ALK: variants seen among roughly 807,000 people sequenced by gnomAD.
ALK encodes ALK receptor tyrosine kinase, also known as ALK tyrosine kinase receptor.
ALK carries 74 observed loss-of-function variants against 163.1 expected under a neutral mutation model. The observed-to-expected ratio is 0.45, with a 90% CI of 0.38 to 0.55. The LOEUF is 0.55. Ranked by LOEUF, ALK falls within the 20% of genes least tolerant of loss-of-function variation. ALK has a pLI of 0.00. For synonymous variants in ALK, 960 were observed against 843.2 expected, an observed-to-expected ratio of 1.14 and a Z score of -2.40; for missense variants, 2,063 against 2,105.3, an observed-to-expected ratio of 0.98 and a Z score of 0.39.
At chr2:29,332,923 T>C (rs1445259049) in intron 5 of ALK, among the ~76,000 whole-genome samples, 2 of 152,224 alleles carry the variant, frequency 1.3e-5, no homozygotes, top group Non-Finnish European at 2.9e-5. Context: ...AGGCTCTTAA[T>C]ACAGATTGCC....
intron 24 of ALK, 140 bp downstream of exon 24, chr2:29,213,844 G>C: frequency 1.3e-6 from 1 of 753,814 alleles, no homozygotes; most frequent in South Asian, 1.5e-5. Context: ...AAACAAAGCT[G>C]AATCATCCTA....
intron 1 of ALK, 48 bp downstream of exon 1, chr2:29,919,945 G>A (rs1225657169): frequency 1.9e-6 from 3 of 1,598,520 alleles, no homozygotes; most frequent in Non-Finnish European, 2.6e-6. Context: ...GCATATCAAT[G>A]TGACTAAAAA....
intron 3 of ALK, among the ~76,000 whole-genome samples, chr2:29,572,901 T>C (rs1674420208): frequency 6.6e-6 from 1 of 152,076 alleles, no homozygotes; most frequent in African/African-American, 2.4e-5. Flanking sequence ...ATTGTGGTGG[T>C]CCATGCATCT....
chr2:29,807,456 G>A (rs1314006914), intron 1 of ALK, among the ~76,000 whole-genome samples: 1 of 152,208 alleles, frequency 6.6e-6, no homozygotes, highest in African/African-American at 2.4e-5. Flanking sequence ...TGTGCTCAGG[G>A]GCCCAACACA....
At chr2:29,288,570 G>A (rs1201223603) in intron 9 of ALK, among the ~76,000 whole-genome samples, 1 of 152,224 alleles carries the variant, frequency 6.6e-6, no homozygotes, top group Non-Finnish European at 1.5e-5. Flanking sequence ...GATAACACCT[G>A]CTGCCTGTTG....
At chr2:29,729,324 G>A (rs1026478744) in intron 1 of ALK, among the ~76,000 whole-genome samples, 1 of 152,122 alleles carries the variant, frequency 6.6e-6, no homozygotes, top group African/African-American at 2.4e-5. Flanking sequence ...AAAGAGGGAG[G>A]GGAGAGCAGG....
At chr2:29,570,981 A>G (rs1489904513) in intron 3 of ALK, among the ~76,000 whole-genome samples, 1 of 152,196 alleles carries the variant, frequency 6.6e-6, no homozygotes, top group East Asian at 1.9e-4. Flanking sequence ...CAGAGCAGAG[A>G]CTCAGGGAGA....
At chr2:29,496,649 T>C (rs1224840682) in intron 4 of ALK, among the ~76,000 whole-genome samples, 2 of 152,220 alleles carry the variant, frequency 1.3e-5, no homozygotes, top group African/African-American at 4.8e-5. Flanking sequence ...TATAAGTTTA[T>C]GAAAATCACT....
chr2:29,316,604 A>C (rs1432544264), intron 8 of ALK, among the ~76,000 whole-genome samples: 4 of 152,190 alleles, frequency 2.6e-5, no homozygotes, highest in African/African-American at 4.8e-5. Flanking sequence ...AATGCTCTTA[A>C]GGATCCTCCC....
chr2:29,710,499 C>CATGT (rs71403672), intron 2 of ALK, among the ~76,000 whole-genome samples: 1 of 144,662 alleles, frequency 6.9e-6, no homozygotes. Context: ...AGTCTGTGTG[C>CATGT]GTGTGTGTGT....
intron 1 of ALK, among the ~76,000 whole-genome samples, chr2:29,808,452 G>T (rs904196251): frequency 1.3e-5 from 2 of 152,152 alleles, no homozygotes; most frequent in Admixed American, 1.3e-4. Context: ...AGAGCCAACT[G>T]ATCCCCAACC....
In ALK at chr2:29,921,474, G is replaced by A. The variant is rs1273905653; in HGVS notation, c.-815C>T. 5 of 231,968 alleles carry A rather than the reference G, an allele frequency of 2.2e-5. No homozygotes were observed. The highest frequency in any genetic ancestry group is 3.4e-5 in the Non-Finnish European group (4 of 117,236). The allele number at this position is 231,968 out of a possible 1,614,324, so 14.4% of individuals were successfully genotyped here. ...TCAGCGCCCGCGGCTTTGGGTGGCC[G>A]ACCAGAGGGCGGCCGGAAAGCACCT... On this transcript the variant is annotated 5_prime_UTR_variant, in exon 1 of 29. Coordinates refer to ENST00000389048, the MANE Select transcript of ALK (RefSeq NM_004304.5).
chr2:29,219,620 G>C lies in ALK; in HGVS notation c.3645+1086C>G, dbSNP rs571450927. On this transcript the variant is annotated intron_variant, in intron 23 of 28. Transcript: ENST00000389048. ...CTCAGCTCCAGTTCCTGGTATCCGG[G>C]GCCTGCTGAAGACCTGCAGACCCAA... is the stretch of plus-strand genomic sequence containing the variant. Among the ~76,000 whole-genome samples, 3 of 152,322 alleles carry C rather than the reference G, an allele frequency of 2.0e-5. No homozygotes were observed. The East Asian group carries it at 5.8e-4, about 29-fold the overall frequency.
At chr2:29,861,864 A>G (rs1168259631) in intron 1 of ALK, among the ~76,000 whole-genome samples, 1 of 152,238 alleles carries the variant, frequency 6.6e-6, no homozygotes, top group African/African-American at 2.4e-5. Flanking sequence ...TTGAACACAG[A>G]TGCAAAAATC....
Position 29,825,186 on chromosome 2 carries a change from G to A in ALK, c.667+94807C>T, listed in dbSNP as rs530558379. ...TCTCCCCAGCCATGTGGAAATTTAC[G>A]TCCATTAAACTTCTTTGTTTTGTAA... is the stretch of plus-strand genomic sequence containing the variant. On this transcript the variant is annotated intron_variant, in intron 1 of 28. Transcript: ENST00000389048. Among the ~76,000 whole-genome samples, 19 of 152,148 alleles carry A rather than the reference G, an allele frequency of 1.2e-4. No individual in the cohort carries two copies. The South Asian group carries it at 2.7e-3, about 22-fold the overall frequency.
intron 3 of ALK, among the ~76,000 whole-genome samples, chr2:29,548,262 A>C (rs1336695854): frequency 6.6e-6 from 1 of 152,154 alleles, no homozygotes; most frequent in Non-Finnish European, 1.5e-5. Context: ...TCACGAGGTC[A>C]GGAGACTGGG....
At chr2:29,557,276 C>T (rs556426574) in intron 3 of ALK, among the ~76,000 whole-genome samples, 1 of 152,286 alleles carries the variant, frequency 6.6e-6, no homozygotes, top group Admixed American at 6.5e-5. Context: ...AATCAAGTAG[C>T]ACATTTAGAA....
At chr2:29,562,245 G>T (rs142769123) in intron 3 of ALK, among the ~76,000 whole-genome samples, 35 of 152,298 alleles carry the variant, frequency 2.3e-4, no homozygotes, top group African/African-American at 8.2e-4. Context: ...CAACCCTGCT[G>T]CTCTCTAATG....
At chr2:29,899,271 G>C (rs1667348668) in intron 1 of ALK, among the ~76,000 whole-genome samples, 1 of 152,162 alleles carries the variant, frequency 6.6e-6, no homozygotes. Flanking sequence ...CCCAGCAAAT[G>C]GGACAAAGAA....
Sources: allele counts gnomAD v4.1 joint callset (sites outside exome capture counted in the v4.1 genomes callset), GRCh38; gene constraint gnomAD v4.1.1; transcripts MANE v1.5; gene names NCBI Gene and HGNC (gene_info 2026-07-23, HGNC 2026-07-21).